The following DLC1 variants were observed in gnomAD, a reference collection of about 807,000 sequenced individuals.
DLC1 encodes rho GTPase-activating protein 7.
DLC1 carries 54 observed loss-of-function variants against 140.3 expected under a neutral mutation model. The observed-to-expected ratio is 0.38, with a 90% CI of 0.31 to 0.48. The LOEUF is 0.48. Ranked by LOEUF, DLC1 falls within the 20% of genes least tolerant of loss-of-function variation. The pLI, the probability that DLC1 is intolerant of heterozygous loss-of-function variation, is 0.96. For missense variants in DLC1, 2,536 were observed against 1,907.0 expected (o/e 1.33, Z -6.14); for synonymous variants, 986 against 728.1 (o/e 1.35, Z -5.70).
At chr8:13,393,719 T>G in intron 3 of DLC1, 26 bp from the exon 4 acceptor site, 1 of 1,601,694 alleles carries the variant, frequency 6.2e-7, no homozygotes, top group Non-Finnish European at 8.5e-7. Flanking sequence ...TGCACTGGTA[T>G]GAAGGACATG....
At chr8:13,234,092 T>A (rs1829175411) in intron 5 of DLC1, among the ~76,000 whole-genome samples, 1 of 152,184 alleles carries the variant, frequency 6.6e-6, no homozygotes, top group Non-Finnish European at 1.5e-5. Flanking sequence ...AGTAGGCCAA[T>A]GACAACAGTA....
At chr8:13,311,720 A>C (rs1053911989) in intron 4 of DLC1, among the ~76,000 whole-genome samples, 1 of 152,192 alleles carries the variant, frequency 6.6e-6, no homozygotes, top group Non-Finnish European at 1.5e-5. Flanking sequence ...AAATTGTTTG[A>C]ACATTTGAAC....
At position 13,085,662 on chromosome 8, in the gene DLC1, A is replaced by T. The variant is rs1817489668; in HGVS notation, c.*149T>A. ...TCAACAAACAGGAAGCAGCTTTAAA[A>T]ATGTATCAAATTGCTATAGTCAATT... On this transcript the variant is annotated 3_prime_UTR_variant, in exon 18 of 18. Coordinates refer to ENST00000276297, the MANE Select transcript of DLC1 (RefSeq NM_182643.3). 8.0e-7 allele frequency: 1 copy of T among 1,255,868 alleles called. No homozygotes were observed. Among genetic ancestry groups the T allele is most frequent in the Non-Finnish European group, 1.1e-6 (1 of 926,200 alleles). The allele number at this position is 1,255,868 out of a possible 1,614,324, so 77.8% of individuals were successfully genotyped here.
intron 4 of DLC1, among the ~76,000 whole-genome samples, chr8:13,312,610 G>A (rs139352035): frequency 6.6e-6 from 1 of 151,728 alleles, no homozygotes; most frequent in South Asian, 2.1e-4. Context: ...TACTATTAAA[G>A]TTTATTCCAA....
At chr8:13,224,846 T>A (rs923030285) in intron 5 of DLC1, among the ~76,000 whole-genome samples, 1 of 152,198 alleles carries the variant, frequency 6.6e-6, no homozygotes, top group Non-Finnish European at 1.5e-5. Context: ...ACTTACCCTA[T>A]GCTAGTCTTA....
chr8:13,112,887 G>A (rs1436823732), intron 6 of DLC1, among the ~76,000 whole-genome samples: 6 of 152,038 alleles, frequency 3.9e-5, no homozygotes, highest in Admixed American at 3.9e-4. Context: ...AAATAACAGA[G>A]CTGATATTAA....
chr8:13,192,727 A>C (rs1826830665), intron 5 of DLC1, among the ~76,000 whole-genome samples: 1 of 152,202 alleles, frequency 6.6e-6, no homozygotes, highest in East Asian at 1.9e-4. Flanking sequence ...CTGTTAGGGC[A>C]GGATCCTGAT....
At position 13,155,321 on chromosome 8, in the gene DLC1, T is replaced by C. The variant is rs565285390; in HGVS notation, c.1349-39664A>G. On this transcript the variant is annotated intron_variant, in intron 5 of 17. Coordinates refer to ENST00000276297, the MANE Select transcript of DLC1 (RefSeq NM_182643.3). ...AATATCCTGGTGCCTGTAGGTTTTT[T>C]ATGGTGAGCACATGACAAAACCACC... is the stretch of plus-strand genomic sequence containing the variant. Among the ~76,000 whole-genome samples the C allele has an allele frequency of 1.2e-4, 18 of 151,842 alleles. No individual in the cohort carries two copies. In the South Asian group the frequency reaches 3.7e-3, roughly 32 times the overall value.
chr8:13,419,750 C>G (rs1201722912), intron 2 of DLC1, among the ~76,000 whole-genome samples: 1 of 152,182 alleles, frequency 6.6e-6, no homozygotes, highest in Non-Finnish European at 1.5e-5. Context: ...GGAGGATTCT[C>G]TCTTTTTCTA....
intron 4 of DLC1, among the ~76,000 whole-genome samples, chr8:13,376,869 C>T (rs1323630751): frequency 6.6e-6 from 1 of 152,104 alleles, no homozygotes; most frequent in African/African-American, 2.4e-5. Flanking sequence ...CAGGATTCTT[C>T]ACCTGTTCAA....
At chr8:13,150,125 T>G (rs577327837) in intron 5 of DLC1, among the ~76,000 whole-genome samples, 7 of 149,466 alleles carry the variant, frequency 4.7e-5, no homozygotes, top group African/African-American at 1.7e-4. Context: ...GAATATATGT[T>G]TCTCCAGCCC....
At chr8:13,328,662 G>A (rs747339949) in intron 4 of DLC1, among the ~76,000 whole-genome samples, 23 of 152,068 alleles carry the variant, frequency 1.5e-4, no homozygotes, top group Non-Finnish European at 2.9e-4. Flanking sequence ...GGGGAGATGA[G>A]GACCTTATAT....
intron 3 of DLC1, among the ~76,000 whole-genome samples, chr8:13,396,869 A>G (rs1837066525): frequency 6.6e-6 from 1 of 152,134 alleles, no homozygotes; most frequent in Non-Finnish European, 1.5e-5. Flanking sequence ...CACTGCTACC[A>G]TAAGCAGACC....
intron 1 of DLC1, among the ~76,000 whole-genome samples, chr8:13,562,745 A>C (rs1000867544): frequency 6.6e-6 from 1 of 152,216 alleles, no homozygotes; most frequent in African/African-American, 2.4e-5. Flanking sequence ...CTCCACAGAT[A>C]CAAAGCAAAT....
At chr8:13,459,296 C>T (rs956601267) in intron 2 of DLC1, among the ~76,000 whole-genome samples, 3 of 152,076 alleles carry the variant, frequency 2.0e-5, no homozygotes, top group Non-Finnish European at 4.4e-5. Flanking sequence ...TTCTCTGGGA[C>T]AGGAAGTGGA....
intron 5 of DLC1, among the ~76,000 whole-genome samples, chr8:13,207,839 C>T (rs117780418): frequency 6.6e-6 from 1 of 152,226 alleles, no homozygotes; most frequent in East Asian, 1.9e-4. Context: ...TTGCCCAAAA[C>T]GTCAATGGTG....
At chr8:13,567,259 T>C (rs1432743760) in intron 1 of DLC1, 1 of 1,551,688 alleles carries the variant, frequency 6.4e-7, no homozygotes, top group Non-Finnish European at 8.7e-7. Flanking sequence ...ATGGATCAAC[T>C]ACCTCAAGCT....
At chr8:13,304,093 G>T (rs1180979075) in intron 5 of DLC1, among the ~76,000 whole-genome samples, 1 of 151,956 alleles carries the variant, frequency 6.6e-6, no homozygotes, top group East Asian at 1.9e-4. Context: ...TGAATTATGG[G>T]GACAGCTATG....
At chr8:13,273,257 C>T (rs1018964417) in intron 5 of DLC1, among the ~76,000 whole-genome samples, 3 of 152,108 alleles carry the variant, frequency 2.0e-5, no homozygotes, top group African/African-American at 7.2e-5. Context: ...CACAGAGGAG[C>T]TTTAAGAAGG....
Sources: gnomAD v4.1 joint callset for allele counts (sites outside exome capture counted in the v4.1 genomes callset) on GRCh38, gnomAD v4.1.1 for gene constraint, MANE v1.5 for transcripts, NCBI Gene and HGNC (gene_info 2026-07-23, HGNC 2026-07-21) for gene names.